The following TNFSF4 variants were observed in gnomAD, a reference collection of about 807,000 sequenced individuals.
TNFSF4 encodes tumor necrosis factor ligand superfamily member 4.
Under a neutral mutation model 7.3 loss-of-function variants are expected in TNFSF4, and 4 were observed. That is an observed-to-expected ratio of 0.55 (90% confidence interval 0.27 to 1.25). The LOEUF is 1.25. Ranked by LOEUF, TNFSF4 falls within the 50% of genes most tolerant of loss-of-function variation. The probability of loss-of-function intolerance (pLI) is 0.12; values close to 1 mark genes in which losing one functional copy is unlikely to be tolerated. For synonymous variants in TNFSF4, 76 were observed against 83.7 expected (o/e 0.91, Z 0.50); for missense variants, 181 against 208.8 (o/e 0.87, Z 0.82).
At chr1:173,429,633 G>A in the TNFSF4 span, among the ~76,000 whole-genome samples, 5 of 152,202 alleles carry the variant, frequency 3.3e-5, no homozygotes, top group Admixed American at 3.3e-4. Context: ...GACCATGTGG[G>A]GTGTGAATGG....
the TNFSF4 span, among the ~76,000 whole-genome samples, chr1:173,447,119 TAAAG>T: frequency 6.6e-6 from 1 of 152,140 alleles, no homozygotes; most frequent in African/African-American, 2.4e-5. Flanking sequence ...GTTATTAAGT[TAAAG>T]AAGCCAATCT....
chr1:173,199,787 A>T (rs1352329458), intron 1 of TNFSF4, among the ~76,000 whole-genome samples: 1 of 152,200 alleles, frequency 6.6e-6, no homozygotes, highest in African/African-American at 2.4e-5. Context: ...AATTCTTTGA[A>T]TCAGTCTGAT....
intron 2 of TNFSF4, among the ~76,000 whole-genome samples, chr1:173,187,774 T>C (rs1649295925): frequency 6.6e-6 from 1 of 152,212 alleles, no homozygotes; most frequent in Non-Finnish European, 1.5e-5. Context: ...CTGAACTTCT[T>C]TTATTTCCTT....
the TNFSF4 span, among the ~76,000 whole-genome samples, chr1:173,231,939 T>G: frequency 1.3e-5 from 2 of 152,174 alleles, no homozygotes; most frequent in African/African-American, 4.8e-5. Flanking sequence ...TAGGATTGAC[T>G]GGGCGATGTG....
At chr1:173,220,138 C>A in the TNFSF4 span, among the ~76,000 whole-genome samples, 2 of 152,180 alleles carry the variant, frequency 1.3e-5, no homozygotes, top group South Asian at 4.2e-4. Context: ...GCAGTAGAAA[C>A]TCAGCAACCT....
chr1:173,447,673 GA>G, the TNFSF4 span, among the ~76,000 whole-genome samples: 151 of 151,442 alleles, frequency 1.0e-3, 2 homozygotes, highest in African/African-American at 3.3e-3. Flanking sequence ...ACAGAAAAAA[GA>G]AAAAAAGAGT....
chr1:173,191,940 G>C (rs1361549855), intron 1 of TNFSF4, among the ~76,000 whole-genome samples: 1 of 152,158 alleles, frequency 6.6e-6, no homozygotes, highest in Non-Finnish European at 1.5e-5. Flanking sequence ...ACTTTGGGAG[G>C]CCGAGGCAGG....
At chr1:173,353,206 G>C in the TNFSF4 span, among the ~76,000 whole-genome samples, 1 of 152,192 alleles carries the variant, frequency 6.6e-6, no homozygotes, top group East Asian at 1.9e-4. Flanking sequence ...AGAGATTAAA[G>C]TAAAGACAGG....
At chr1:173,237,170 G>C in the TNFSF4 span, among the ~76,000 whole-genome samples, 6 of 152,130 alleles carry the variant, frequency 3.9e-5, no homozygotes, top group Admixed American at 2.6e-4. Flanking sequence ...GACTGCCCCA[G>C]CCATGTGGAA....
the TNFSF4 span, among the ~76,000 whole-genome samples, chr1:173,312,835 A>G: frequency 6.6e-6 from 1 of 152,134 alleles, no homozygotes; most frequent in Non-Finnish European, 1.5e-5. Context: ...GCAAGTTTGT[A>G]GAAAGAAGTA....
the TNFSF4 span, among the ~76,000 whole-genome samples, chr1:173,324,195 G>A: frequency 6.6e-6 from 1 of 152,116 alleles, no homozygotes; most frequent in East Asian, 1.9e-4. Context: ...AGAAGGGGCG[G>A]GGGGGCCAAT....
the TNFSF4 span, among the ~76,000 whole-genome samples, chr1:173,220,490 A>G: frequency 3.3e-5 from 5 of 152,234 alleles, no homozygotes; most frequent in South Asian, 2.1e-4. Context: ...GTATGCACAG[A>G]AAAATGAATA....
chr1:173,445,285 T>A, the TNFSF4 span, among the ~76,000 whole-genome samples: 1 of 152,184 alleles, frequency 6.6e-6, no homozygotes, highest in East Asian at 1.9e-4. Flanking sequence ...CAGGATTAAG[T>A]TTCTCATTTT....
chr1:173,195,368 C>A (rs1396618834), intron 1 of TNFSF4, among the ~76,000 whole-genome samples: 2 of 152,218 alleles, frequency 1.3e-5, no homozygotes, highest in African/African-American at 4.8e-5. Flanking sequence ...ATTAGCTCAG[C>A]TCTGATTAGG....
the TNFSF4 span, among the ~76,000 whole-genome samples, chr1:173,373,439 G>A: frequency 6.6e-6 from 1 of 152,166 alleles, no homozygotes; most frequent in Non-Finnish European, 1.5e-5. Context: ...TTTCACGGGG[G>A]CATAGTTTTC....
chr1:173,429,009 G>GAA, the TNFSF4 span, among the ~76,000 whole-genome samples: 448 of 141,746 alleles, frequency 3.2e-3, 4 homozygotes, highest in African/African-American at 8.7e-3. Context: ...TCTGTCTAAG[G>GAA]AAAAAAAAAA....
chr1:173,327,333 A>G, the TNFSF4 span, among the ~76,000 whole-genome samples: 3 of 152,192 alleles, frequency 2.0e-5, no homozygotes, highest in Non-Finnish European at 4.4e-5. Flanking sequence ...CCTTCCTTAC[A>G]CCTTATACAA....
the TNFSF4 span, among the ~76,000 whole-genome samples, chr1:173,397,432 G>A: frequency 1.3e-5 from 2 of 152,256 alleles, no homozygotes; most frequent in East Asian, 3.9e-4. Context: ...AGGACTACTG[G>A]ACCCTGGCTC....
chr1:173,372,783 GCTA>G, the TNFSF4 span, among the ~76,000 whole-genome samples: 1 of 152,178 alleles, frequency 6.6e-6, no homozygotes, highest in Non-Finnish European at 1.5e-5. Context: ...CCTTAACCCT[GCTA>G]CTTTTCTCCC....
Sources: gnomAD v4.1 joint callset for allele counts (sites outside exome capture counted in the v4.1 genomes callset) on GRCh38, gnomAD v4.1.1 for gene constraint, MANE v1.5 for transcripts, NCBI Gene and HGNC (gene_info 2026-07-23, HGNC 2026-07-21) for gene names.